The following FHOD3 variants were observed in gnomAD, a reference collection of about 807,000 sequenced individuals.
FHOD3 encodes formin homology 2 domain containing 3.
In FHOD3, 90 loss-of-function variants were observed where a neutral mutation model predicts 173.0. The observed-to-expected ratio is 0.52, with a 90% CI of 0.44 to 0.62. The LOEUF (loss-of-function observed/expected upper bound fraction) is 0.62. Ranked by LOEUF, FHOD3 falls within the 20% of genes least tolerant of loss-of-function variation. The pLI is 0.00. For synonymous variants in FHOD3, 828 were observed against 823.0 expected (o/e 1.01, Z -0.10); for missense variants, 1,945 against 2,034.7 (o/e 0.96, Z 0.85).
At chr18:36,524,317 G>A (rs962735892) in intron 5 of FHOD3, among the ~76,000 whole-genome samples, 2 of 151,806 alleles carry the variant, frequency 1.3e-5, no homozygotes, top group African/African-American at 4.8e-5. Flanking sequence ...AAGTTGATGC[G>A]GGTGACTAGC....
At chr18:36,554,078 G>C (rs752515870) in intron 5 of FHOD3, among the ~76,000 whole-genome samples, 6 of 152,162 alleles carry the variant, frequency 3.9e-5, no homozygotes, top group Non-Finnish European at 8.8e-5. Flanking sequence ...AGTCAGTGTG[G>C]CAATTCCTCA....
intron 3 of FHOD3, among the ~76,000 whole-genome samples, chr18:36,378,959 A>G (rs1445420160): frequency 3.3e-5 from 5 of 152,192 alleles, no homozygotes. Context: ...TGCTGGGATT[A>G]CAGGCATGAG....
intron 10 of FHOD3, among the ~76,000 whole-genome samples, chr18:36,628,760 G>A (rs562414861): frequency 6.6e-6 from 1 of 152,316 alleles, no homozygotes; most frequent in South Asian, 2.1e-4. Flanking sequence ...CAAAGCAGGA[G>A]CCCTTTCTGT....
At chr18:36,552,633 G>A (rs2057707919) in intron 5 of FHOD3, among the ~76,000 whole-genome samples, 1 of 151,832 alleles carries the variant, frequency 6.6e-6, no homozygotes, top group African/African-American at 2.4e-5. Context: ...CAAGTAGCTG[G>A]GACTACAGGT....
chr18:36,306,360 C>T (rs1287453148), intron 1 of FHOD3, among the ~76,000 whole-genome samples: 1 of 152,222 alleles, frequency 6.6e-6, no homozygotes, highest in African/African-American at 2.4e-5. Flanking sequence ...TGACATTGCA[C>T]TGTCTTACTC....
chr18:36,600,918 G>A (rs1221713316), intron 7 of FHOD3, among the ~76,000 whole-genome samples: 1 of 152,212 alleles, frequency 6.6e-6, no homozygotes, highest in Non-Finnish European at 1.5e-5. Context: ...ACTACAACAT[G>A]TGTTCTATGC....
intron 3 of FHOD3, among the ~76,000 whole-genome samples, chr18:36,438,328 C>T (rs2050931227): frequency 6.6e-6 from 1 of 152,146 alleles, no homozygotes; most frequent in Non-Finnish European, 1.5e-5. Context: ...TCCTCCTTGC[C>T]AAATGCAGGG....
intron 5 of FHOD3, among the ~76,000 whole-genome samples, chr18:36,553,114 A>G (rs1013575894): frequency 4.6e-5 from 7 of 152,132 alleles, no homozygotes; most frequent in African/African-American, 1.4e-4. Flanking sequence ...TATATGATGG[A>G]TTACATTTAT....
intron 3 of FHOD3, among the ~76,000 whole-genome samples, chr18:36,439,346 A>G (rs151292858): frequency 1.2e-3 from 186 of 152,292 alleles, no homozygotes; most frequent in African/African-American, 3.8e-3. Context: ...AGGACCCTCC[A>G]GGTATGTTGT....
chr18:36,637,999 T>C (rs2035014862), intron 10 of FHOD3, among the ~76,000 whole-genome samples: 1 of 152,200 alleles, frequency 6.6e-6, no homozygotes, highest in Non-Finnish European at 1.5e-5. Flanking sequence ...AATATGTTTT[T>C]TTTAAAATCT....
intron 3 of FHOD3, among the ~76,000 whole-genome samples, chr18:36,446,753 G>T (rs1280820240): frequency 6.6e-6 from 1 of 152,092 alleles, no homozygotes; most frequent in Non-Finnish European, 1.5e-5. Context: ...TGCTCCCTGA[G>T]CCCTTAGTGC....
chr18:36,521,226 C>T (rs546505376), intron 5 of FHOD3, among the ~76,000 whole-genome samples: 129 of 152,222 alleles, frequency 8.5e-4, no homozygotes, highest in African/African-American at 2.6e-3. Flanking sequence ...CAGGGTACCA[C>T]GCCTTTTCTA....
intron 19 of FHOD3, among the ~76,000 whole-genome samples, chr18:36,729,655 T>C (rs1420853628): frequency 6.6e-6 from 1 of 152,218 alleles, no homozygotes; most frequent in East Asian, 1.9e-4. Context: ...TCTTTTCTTA[T>C]AATGACACCA....
chr18:36,711,899 A>T (rs1254653795), intron 18 of FHOD3, among the ~76,000 whole-genome samples: 2 of 152,244 alleles, frequency 1.3e-5, no homozygotes, highest in Non-Finnish European at 2.9e-5. Context: ...CCCAGAGTCA[A>T]TGGAGACTGA....
Position 36,515,813 on chromosome 18 carries a change from A to G in FHOD3, c.511+3270A>G, listed in dbSNP as rs767781457. Among the ~76,000 whole-genome samples, 42 of 152,164 alleles carry G rather than the reference A, an allele frequency of 2.8e-4. 1 individual carries two copies. The highest frequency in any genetic ancestry group is 2.1e-4 in the Non-Finnish European group (14 of 68,028). On this transcript the variant is annotated intron_variant, in intron 5 of 28. Coordinates refer to ENST00000590592, the MANE Select transcript of FHOD3 (RefSeq NM_001281740.3). ...TTTACTGGCGACCAGAAGGCTCCCC[A>G]TGCATTATCTGAAAGACGAGCACTC...
intron 3 of FHOD3, among the ~76,000 whole-genome samples, chr18:36,388,276 C>T (rs571852468): frequency 3.3e-5 from 5 of 152,238 alleles, no homozygotes; most frequent in African/African-American, 1.2e-4. Context: ...ACAGGAAAAG[C>T]GAAACACCGG....
At chr18:36,639,524 G>A (rs544176715) in intron 10 of FHOD3, among the ~76,000 whole-genome samples, 47 of 152,322 alleles carry the variant, frequency 3.1e-4, no homozygotes, top group Non-Finnish European at 5.3e-4. Context: ...TTAGCCGGGC[G>A]TGGTGGCGGG....
At chr18:36,419,660 C>G (rs2049882579) in intron 3 of FHOD3, among the ~76,000 whole-genome samples, 1 of 152,182 alleles carries the variant, frequency 6.6e-6, no homozygotes, top group South Asian at 2.1e-4. Flanking sequence ...AACCCATGCT[C>G]TTTTAAGTGC....
At chr18:36,518,461 C>G (rs1013847307) in intron 5 of FHOD3, among the ~76,000 whole-genome samples, 1 of 152,108 alleles carries the variant, frequency 6.6e-6, no homozygotes, top group African/African-American at 2.4e-5. Context: ...GGGTTGAGGC[C>G]AGTGTTAAGA....
Sources: gnomAD v4.1 joint callset for allele counts (sites outside exome capture counted in the v4.1 genomes callset) on GRCh38, gnomAD v4.1.1 for gene constraint, MANE v1.5 for transcripts, NCBI Gene and HGNC (gene_info 2026-07-23, HGNC 2026-07-21) for gene names.